PEX14: variants seen among roughly 807,000 people sequenced by gnomAD.
PEX14 encodes the protein peroxisomal membrane protein PEX14.
In PEX14, 15 loss-of-function variants were observed where a neutral mutation model predicts 49.5. The observed-to-expected ratio is 0.30, with a 90% CI of 0.20 to 0.47. The LOEUF (loss-of-function observed/expected upper bound fraction) is 0.47, where lower values mean the gene tolerates loss of function less well. Among genes scored for constraint, PEX14 ranks in the 20% least tolerant of loss-of-function variants. PEX14 has a pLI of 1.00. For synonymous variants in PEX14, 210 were observed against 212.7 expected (o/e 0.99, Z 0.11); for missense variants, 398 against 494.8 (o/e 0.80, Z 1.86).
At chr1:10,502,252 T>C (rs1241994952) in intron 2 of PEX14, among the ~76,000 whole-genome samples, 1 of 152,150 alleles carries the variant, frequency 6.6e-6, no homozygotes, top group African/African-American at 2.4e-5. Context: ...GACTTCTGGT[T>C]GGGAAGGTGC....
At chr1:10,505,767 G>A (rs1419310362) in intron 2 of PEX14, among the ~76,000 whole-genome samples, 2 of 150,552 alleles carry the variant, frequency 1.3e-5, no homozygotes, top group African/African-American at 2.4e-5. Context: ...TACAACCTCC[G>A]CCTCCCGGGT....
chr1:10,509,239 C>T (rs926155789), intron 2 of PEX14, among the ~76,000 whole-genome samples: 6 of 151,744 alleles, frequency 4.0e-5, no homozygotes, highest in Non-Finnish European at 7.4e-5. Context: ...TGAGCCACCG[C>T]GCCCGGCAAA....
chr1:10,587,173 G>T (rs1640517898), intron 3 of PEX14, among the ~76,000 whole-genome samples: 1 of 152,088 alleles, frequency 6.6e-6, no homozygotes, highest in African/African-American at 2.4e-5. Flanking sequence ...AAATTATAAT[G>T]AGGCTGTGTG....
At chr1:10,507,312 C>T (rs536039374) in intron 2 of PEX14, among the ~76,000 whole-genome samples, 33 of 152,360 alleles carry the variant, frequency 2.2e-4, no homozygotes, top group Admixed American at 3.9e-4. Context: ...CACTAGCGTG[C>T]GTGCGGGGCG....
chr1:10,588,035 C>G (rs1166956762), intron 3 of PEX14, among the ~76,000 whole-genome samples: 4 of 150,298 alleles, frequency 2.7e-5, no homozygotes, highest in Admixed American at 6.6e-5. Flanking sequence ...CCAGCCTGGC[C>G]AAGATAGTGA....
chr1:10,487,822 C>G (rs901188862), intron 1 of PEX14, among the ~76,000 whole-genome samples: 17 of 151,488 alleles, frequency 1.1e-4, no homozygotes, highest in African/African-American at 4.1e-4. Flanking sequence ...ACTCTGTTGC[C>G]TCGGCTGGAG....
At chr1:10,490,541 C>G (rs537183146) in intron 1 of PEX14, among the ~76,000 whole-genome samples, 2 of 152,198 alleles carry the variant, frequency 1.3e-5, no homozygotes, top group East Asian at 1.9e-4. Context: ...TCTCTGCCGC[C>G]GTAGTCTTTG....
At chr1:10,511,225 G>A (rs76206462) in intron 2 of PEX14, among the ~76,000 whole-genome samples, 366 of 152,126 alleles carry the variant, frequency 2.4e-3, no homozygotes, top group African/African-American at 8.2e-3. Flanking sequence ...GCCAAAGTGA[G>A]GTTTTTGTCT....
At chr1:10,620,818 CAG>C (rs1641567876) in intron 5 of PEX14, among the ~76,000 whole-genome samples, 3 of 152,026 alleles carry the variant, frequency 2.0e-5, no homozygotes, top group Middle Eastern at 3.4e-3. Context: ...CATAAATAAA[CAG>C]AACAGAACAA....
rs372670811 is a variant in PEX14 at position 10,489,040 on chromosome 1, G to C, written c.37-6234G>C. On this transcript the variant is annotated intron_variant, in intron 1 of 8. Coordinates refer to ENST00000356607, the MANE Select transcript of PEX14 (RefSeq NM_004565.3). ...TTGTTGCCTAGGCTGGAGTGCAATGGCGCGATCTCGGCTCACCGCAACCCC... is the reference window on the plus strand; with the variant it reads ...TTGTTGCCTAGGCTGGAGTGCAATGCCGCGATCTCGGCTCACCGCAACCCC... Among the ~76,000 whole-genome samples the C allele has an allele frequency of 9.9e-5, 15 of 152,234 alleles. No individual in the cohort carries two copies. The East Asian group carries it at 2.7e-3, about 27-fold the overall frequency.
At chr1:10,598,532 T>C (rs867550563) in intron 3 of PEX14, among the ~76,000 whole-genome samples, 1 of 152,206 alleles carries the variant, frequency 6.6e-6, no homozygotes, top group Admixed American at 6.5e-5. Flanking sequence ...TGATGTCCCA[T>C]GTATGGTGTG....
intron 2 of PEX14, among the ~76,000 whole-genome samples, chr1:10,519,386 T>C (rs1642027019): frequency 6.6e-6 from 1 of 151,956 alleles, no homozygotes; most frequent in East Asian, 1.9e-4. Flanking sequence ...AGAGAGTGCT[T>C]AAGAGGGAGA....
intron 1 of PEX14, among the ~76,000 whole-genome samples, chr1:10,489,612 C>T (rs1641435525): frequency 6.6e-6 from 1 of 152,202 alleles, no homozygotes; most frequent in Non-Finnish European, 1.5e-5. Context: ...TATGCATGCA[C>T]AAATTTTAGT....
chr1:10,544,316 A>G (rs1639105196), intron 3 of PEX14, among the ~76,000 whole-genome samples: 1 of 152,182 alleles, frequency 6.6e-6, no homozygotes, highest in African/African-American at 2.4e-5. Context: ...TAGAAAGGCT[A>G]AGTTGAGCTA....
intron 3 of PEX14, among the ~76,000 whole-genome samples, chr1:10,583,403 A>T (rs80337980): frequency 0.056 from 6,249 of 110,758 alleles, 189 homozygotes; most frequent in Middle Eastern, 0.092. Context: ...TTTTTTTTTT[A>T]AAAAGGTGAG....
At chr1:10,589,535 C>T (rs1444796740) in intron 3 of PEX14, among the ~76,000 whole-genome samples, 1 of 151,360 alleles carries the variant, frequency 6.6e-6, no homozygotes, top group South Asian at 2.1e-4. Context: ...CAGGTGTGCA[C>T]CACCATGCCC....
rs746192184 is a variant in PEX14 at position 10,629,668 on chromosome 1, C to T, written c.815C>T (p.Thr272Met). Residue 272 changes from threonine to methionine, a missense_variant, in exon 9 of 9, where the codon ACG (threonine) becomes ATG (methionine). Transcript: ENST00000356607. The surrounding 1 kb of genome is among the most constrained non-coding windows in gnomAD (Gnocchi z 8.5). Reference protein sequence around the residue: ...SDISPVSNESTSSSPGKEGHS... With the variant: ...SDISPVSNESMSSSPGKEGHS... ...ATCTCACCTGTCAGCAACGAGTCCA[C>T]GTCGTCCTCGCCTGGGAAGGAGGGC... 12 of 1,613,872 alleles carry T rather than the reference C, an allele frequency of 7.4e-6. No homozygotes were observed. Among genetic ancestry groups the T allele is most frequent in the Admixed American group, 3.3e-5 (2 of 60,008 alleles).
At chr1:10,569,872 T>C (rs1639919635) in intron 3 of PEX14, among the ~76,000 whole-genome samples, 1 of 152,228 alleles carries the variant, frequency 6.6e-6, no homozygotes, top group African/African-American at 2.4e-5. Flanking sequence ...CTGAAAGCTT[T>C]ACCGCTTGTC....
At chr1:10,522,113 AG>A (rs1336273626) in intron 2 of PEX14, among the ~76,000 whole-genome samples, 3 of 152,238 alleles carry the variant, frequency 2.0e-5, no homozygotes, top group Non-Finnish European at 2.9e-5. Context: ...TTACAGGTGT[AG>A]CCTTGGCTCT....
Sources: gnomAD v4.1 joint callset for allele counts (sites outside exome capture counted in the v4.1 genomes callset) on GRCh38, gnomAD v4.1.1 for gene constraint, Gnocchi (gnomAD v3.1) non-coding constraint, MANE v1.5 for transcripts, NCBI Gene and HGNC (gene_info 2026-07-23, HGNC 2026-07-21) for gene names.